ITPR2: variants seen among roughly 807,000 people sequenced by gnomAD.
ITPR2 encodes inositol 1,4,5-trisphosphate receptor type 2.
Under a neutral mutation model 317.1 loss-of-function variants are expected in ITPR2, and 207 were observed. That is an observed-to-expected ratio of 0.65 (90% CI 0.58 to 0.73). The LOEUF (loss-of-function observed/expected upper bound fraction) is 0.73. Among genes scored for constraint, ITPR2 ranks in the 30% least tolerant of loss-of-function variants. ITPR2 has a pLI of 0.00. For missense variants in ITPR2, 2,613 were observed against 3,284.0 expected (o/e 0.80, Z 4.99); for synonymous variants, 1,156 against 1,149.1 (o/e 1.01, Z -0.12).
At chr12:26,451,727 T>C (rs1390915156) in intron 45 of ITPR2, among the ~76,000 whole-genome samples, 2 of 152,076 alleles carry the variant, frequency 1.3e-5, no homozygotes, top group African/African-American at 4.8e-5. Context: ...TCTTAAACTA[T>C]AGTAAAATTG....
intron 45 of ITPR2, among the ~76,000 whole-genome samples, chr12:26,453,413 C>A (rs1182116934): frequency 1.3e-5 from 2 of 152,122 alleles, no homozygotes; most frequent in East Asian, 3.8e-4. Context: ...AGAGTTAAAA[C>A]ATTTCAGGGT....
chr12:26,520,451 G>A (rs976412774), intron 37 of ITPR2, among the ~76,000 whole-genome samples: 5 of 152,174 alleles, frequency 3.3e-5, no homozygotes, highest in African/African-American at 1.2e-4. Context: ...TGGCAAGGGT[G>A]TTTCCTGCTC....
At chr12:26,631,602 GAAAGCAGTTTATCAACCTC>G (rs1946753407) in intron 22 of ITPR2, among the ~76,000 whole-genome samples, 2 of 152,060 alleles carry the variant, frequency 1.3e-5, no homozygotes. Context: ...TAATACACAT[GAAAGCAGTTTATCAACCTC>G]AAAGCACCCC....
At chr12:26,508,539 T>C (rs184157505) in intron 37 of ITPR2, among the ~76,000 whole-genome samples, 1 of 152,266 alleles carries the variant, frequency 6.6e-6, no homozygotes, top group Admixed American at 6.5e-5. Context: ...AGTGACAATA[T>C]TGATAGAGAT....
At chr12:26,387,749 C>G (rs550098852) in intron 54 of ITPR2, among the ~76,000 whole-genome samples, 155 bp from the exon 55 acceptor site, 2 of 152,226 alleles carry the variant, frequency 1.3e-5, no homozygotes, top group South Asian at 4.1e-4. Context: ...ACACAGTACA[C>G]AAGACCTCCA....
At chr12:26,532,839 C>T (rs1331217117) in intron 37 of ITPR2, among the ~76,000 whole-genome samples, 1 of 152,060 alleles carries the variant, frequency 6.6e-6, no homozygotes, top group East Asian at 1.9e-4. Context: ...GCATGCACCA[C>T]CACGCCCAGC....
chr12:26,516,315 A>AAGGGAAG (rs1943512843), intron 37 of ITPR2, among the ~76,000 whole-genome samples: 1 of 137,708 alleles, frequency 7.3e-6, no homozygotes, highest in African/African-American at 2.7e-5. Context: ...AGGAAAGGAA[A>AAGGGAAG]GGAAAGGAAA....
chr12:26,612,653 TA>T (rs1163537525), intron 26 of ITPR2, among the ~76,000 whole-genome samples: 4 of 152,226 alleles, frequency 2.6e-5, no homozygotes, highest in Admixed American at 1.3e-4. Context: ...TTTCTACTGC[TA>T]CCTCACTAGT....
chr12:26,670,635 CA>C (rs1370477160), intron 13 of ITPR2, among the ~76,000 whole-genome samples: 1 of 152,124 alleles, frequency 6.6e-6, no homozygotes, highest in Non-Finnish European at 1.5e-5. Flanking sequence ...CTCTAAAAAG[CA>C]GAGCACCTCT....
chr12:26,417,845 T>C (rs1486193279), intron 50 of ITPR2, among the ~76,000 whole-genome samples: 3 of 152,214 alleles, frequency 2.0e-5, no homozygotes, highest in Non-Finnish European at 4.4e-5. Flanking sequence ...GGGTATAGCT[T>C]TCTGTATGTC....
chr12:26,568,010 A>ATATAT (rs1565609865), intron 34 of ITPR2, among the ~76,000 whole-genome samples: 1 of 6,502 alleles, frequency 1.5e-4, no homozygotes, highest in Non-Finnish European at 2.2e-3. Flanking sequence ...TATATATTAT[A>ATATAT]TATATATATA....
At chr12:26,645,633 C>A (rs1947096731) in intron 21 of ITPR2, among the ~76,000 whole-genome samples, 1 of 152,194 alleles carries the variant, frequency 6.6e-6, no homozygotes, top group Admixed American at 6.5e-5. Flanking sequence ...AGTGCTAAGT[C>A]CAGAAATCGA....
chr12:26,728,873 TA>T (rs1565722491), intron 2 of ITPR2, among the ~76,000 whole-genome samples: 1 of 152,232 alleles, frequency 6.6e-6, no homozygotes, highest in Non-Finnish European at 1.5e-5. Flanking sequence ...AAGAGATGAC[TA>T]AATCCTTACA....
chr12:26,375,334 G>T (rs990421569), intron 55 of ITPR2, among the ~76,000 whole-genome samples: 1 of 152,112 alleles, frequency 6.6e-6, no homozygotes, highest in Non-Finnish European at 1.5e-5. Flanking sequence ...ACTTAGGATG[G>T]GTTATCATTT....
chr12:26,541,924 A>C (rs554314812), intron 37 of ITPR2, among the ~76,000 whole-genome samples: 1 of 152,270 alleles, frequency 6.6e-6, no homozygotes, highest in South Asian at 2.1e-4. Flanking sequence ...TAATTCAGGC[A>C]TCATTTCTTA....
chr12:26,725,723 T>C lies in ITPR2; in HGVS notation c.206A>G (p.Gln69Arg). 6.2e-7 allele frequency: 1 copy of C among 1,613,398 alleles called. No homozygotes were observed. The highest frequency in any genetic ancestry group is 8.5e-7 in the Non-Finnish European group (1 of 1,179,516). ...TTGCTTTGCTTTCCAATATTGCTTC[T>C]GGGCAGAATATCTGTTCATAGGGCA... ...KVCPMNRYSA[Q>R]KQYWKAKQAK... The change falls in exon 3 of 57, where the codon CAG becomes CGG. Residue 69 changes from glutamine (Q) to arginine (R), a missense_variant. This residue lies in a region of ITPR2 where 515 missense variants were observed against 789.4 expected (regional missense o/e 0.65). Transcript: ENST00000381340.
At chr12:26,601,549 C>A (rs1158811726) in intron 28 of ITPR2, among the ~76,000 whole-genome samples, 1 of 152,118 alleles carries the variant, frequency 6.6e-6, no homozygotes, top group Non-Finnish European at 1.5e-5. Flanking sequence ...CTCAAAGGAA[C>A]TCCACTGGTC....
chr12:26,531,450 G>A (rs1240940152), intron 37 of ITPR2, among the ~76,000 whole-genome samples: 3 of 152,158 alleles, frequency 2.0e-5, no homozygotes, highest in Non-Finnish European at 4.4e-5. Flanking sequence ...TATAAATAGT[G>A]GCTTCTTAAA....
At chr12:26,519,067 G>A (rs1253214344) in intron 37 of ITPR2, among the ~76,000 whole-genome samples, 3 of 152,082 alleles carry the variant, frequency 2.0e-5, no homozygotes, top group Admixed American at 1.3e-4. Flanking sequence ...AGCTCAAAAA[G>A]CACCAAGCCC....
Sources: allele counts gnomAD v4.1 joint callset (sites outside exome capture counted in the v4.1 genomes callset), GRCh38; gene constraint gnomAD v4.1.1; regional missense constraint gnomAD v4.1.1; transcripts MANE v1.5; gene names NCBI Gene and HGNC (gene_info 2026-07-23, HGNC 2026-07-21).